Variants in ARHGAP10 observed in about 807,000 individuals in gnomAD.
ARHGAP10 encodes Rho GTPase activating protein 10.
A neutral mutation model predicts 108.6 loss-of-function variants in ARHGAP10; 87 were observed. The ratio of observed to expected loss-of-function variants is 0.80; its 90% confidence interval spans 0.67 to 0.96. ARHGAP10 has a LOEUF of 0.96. Ranked by LOEUF, ARHGAP10 falls within the 40% of genes least tolerant of loss-of-function variation. The probability of loss-of-function intolerance (pLI) is 0.00; values close to 1 mark genes in which losing one functional copy is unlikely to be tolerated. For missense variants in ARHGAP10, 939 were observed against 954.5 expected, an observed-to-expected ratio of 0.98 and a Z score of 0.21; for synonymous variants, 347 against 341.1, an observed-to-expected ratio of 1.02 and a Z score of -0.19.
At chr4:147,897,484 T>TA (rs1391686418) in intron 10 of ARHGAP10, among the ~76,000 whole-genome samples, 2 of 152,170 alleles carry the variant, frequency 1.3e-5, no homozygotes, top group Non-Finnish European at 2.9e-5. Context: ...TTGCTTTTCT[T>TA]AGTTTTTTTT....
intron 18 of ARHGAP10, among the ~76,000 whole-genome samples, chr4:148,019,748 G>C (rs930636554): frequency 5.3e-5 from 8 of 151,256 alleles, no homozygotes; most frequent in Admixed American, 5.3e-4. Flanking sequence ...CTGGGTGACA[G>C]AGTGAGACTC....
intron 1 of ARHGAP10, among the ~76,000 whole-genome samples, chr4:147,776,700 TG>T (rs1290096102): frequency 3.9e-5 from 6 of 152,186 alleles, no homozygotes; most frequent in Admixed American, 3.9e-4. Flanking sequence ...CCATGTGACT[TG>T]AAGCTCTGCT....
intron 22 of ARHGAP10, 81 bp downstream of exon 22, chr4:148,064,588 T>C: frequency 7.7e-7 from 1 of 1,295,100 alleles, no homozygotes; most frequent in Non-Finnish European, 1.1e-6. Context: ...CAGTCAGCGA[T>C]GGTGCTGTTG....
intron 3 of ARHGAP10, among the ~76,000 whole-genome samples, chr4:147,826,997 G>A (rs373113869): frequency 2.0e-5 from 3 of 151,926 alleles, no homozygotes; most frequent in South Asian, 2.1e-4. Context: ...CTCCCCATCC[G>A]CTTTTTTTCT....
chr4:148,056,570 G>A (rs1292278772), intron 20 of ARHGAP10, among the ~76,000 whole-genome samples: 1 of 140,082 alleles, frequency 7.1e-6, no homozygotes, highest in African/African-American at 2.7e-5. Context: ...CCCACCTCCG[G>A]CTCTTAGCAT....
rs112306254 is a variant in ARHGAP10, at chr4:147,790,495, T to C, written c.155-32232T>C. ...TTATTATTCATACTCTCAAATATTC[T>C]AAGATGTAACAAAACATTTGAAAAT... On this transcript the variant is annotated intron_variant, in intron 1 of 22. Coordinates refer to ENST00000336498, the MANE Select transcript of ARHGAP10 (RefSeq NM_024605.4). Among the ~76,000 whole-genome samples, 1,285 of 152,332 alleles carry C rather than the reference T, an allele frequency of 8.4e-3. 20 individuals are homozygous for C. The highest frequency in any genetic ancestry group is 0.036 in the East Asian group (186 of 5,186).
chr4:147,964,015 A>G lies in ARHGAP10; in HGVS notation c.1451-1009A>G, dbSNP rs141740314. Among the ~76,000 whole-genome samples, 372 of 152,360 alleles carry G rather than the reference A, an allele frequency of 2.4e-3. 2 individuals carry two copies. Among genetic ancestry groups the G allele is most frequent in the African/African-American group, 8.4e-3 (350 of 41,584 alleles). On this transcript the variant is annotated intron_variant, in intron 16 of 22. Transcript: ENST00000336498. ...GCTCTCTTCCCAAATAAGATCGTGT[A>G]TTAAGCACGCCTTTTTATTCTGATG...
At chr4:147,868,419 G>A (rs1734657415) in intron 7 of ARHGAP10, among the ~76,000 whole-genome samples, 1 of 151,770 alleles carries the variant, frequency 6.6e-6, no homozygotes, top group African/African-American at 2.4e-5. Flanking sequence ...TTTCTTTTTG[G>A]TAGAGATGGC....
At chr4:147,975,977 T>C (rs1332777949) in intron 18 of ARHGAP10, among the ~76,000 whole-genome samples, 2 of 152,220 alleles carry the variant, frequency 1.3e-5, no homozygotes, top group Non-Finnish European at 2.9e-5. Context: ...ATTGGTGTAA[T>C]TGGATTCCCA....
intron 1 of ARHGAP10, among the ~76,000 whole-genome samples, chr4:147,812,528 G>A (rs760838217): frequency 2.0e-5 from 3 of 151,938 alleles, no homozygotes; most frequent in Non-Finnish European, 4.4e-5. Context: ...GTAGCTCTCC[G>A]TTTCCTTCCA....
intron 19 of ARHGAP10, among the ~76,000 whole-genome samples, chr4:148,043,614 A>AATATATATATATATATATAT (rs57931206): frequency 0.019 from 1,037 of 54,636 alleles, 26 homozygotes; most frequent in Non-Finnish European, 0.026. Flanking sequence ...CCCTCTCTCT[A>AATATATATATATATATATAT]ATATATATAT....
intron 1 of ARHGAP10, among the ~76,000 whole-genome samples, chr4:147,783,449 GCACACATT>G (rs1730650592): frequency 1.6e-5 from 2 of 125,098 alleles, no homozygotes; most frequent in African/African-American, 6.4e-5. Context: ...AATTTATATA[GCACACATT>G]AAATTATGTA....
At chr4:147,791,998 G>C (rs74774738) in intron 1 of ARHGAP10, among the ~76,000 whole-genome samples, 1 of 152,288 alleles carries the variant, frequency 6.6e-6, no homozygotes, top group Admixed American at 6.5e-5. Flanking sequence ...CTCCTGACGC[G>C]TGTATGATGT....
intron 5 of ARHGAP10, chr4:147,862,968 T>G (rs573427167): frequency 6.6e-6 from 1 of 152,238 alleles, no homozygotes; most frequent in Non-Finnish European, 1.5e-5. Context: ...GTAGAAATTC[T>G]CATTTTAGCT....
chr4:147,837,445 T>C (rs1344821733), intron 3 of ARHGAP10, among the ~76,000 whole-genome samples: 1 of 152,178 alleles, frequency 6.6e-6, no homozygotes, highest in Non-Finnish European at 1.5e-5. Context: ...TCTTGTAGTA[T>C]CTTTAAGAGA....
intron 10 of ARHGAP10, among the ~76,000 whole-genome samples, chr4:147,903,018 A>T (rs750589190): frequency 6.6e-6 from 1 of 152,154 alleles, no homozygotes; most frequent in East Asian, 1.9e-4. Flanking sequence ...GTCTACCCCT[A>T]TGATCAAGTC....
intron 13 of ARHGAP10, among the ~76,000 whole-genome samples, chr4:147,914,727 A>C: frequency 6.6e-6 from 1 of 152,212 alleles, no homozygotes; most frequent in Admixed American, 6.5e-5. Context: ...GTATTCCATT[A>C]TATGGATATA....
At chr4:147,793,493 G>T (rs997362433) in intron 1 of ARHGAP10, among the ~76,000 whole-genome samples, 3 of 151,984 alleles carry the variant, frequency 2.0e-5, no homozygotes, top group Non-Finnish European at 2.9e-5. Flanking sequence ...AAAAAGAATG[G>T]GGCCTTGAAA....
chr4:147,879,202 A>G (rs770088841), intron 8 of ARHGAP10, 30 bp from the exon 9 acceptor site: 50 of 1,585,848 alleles, frequency 3.2e-5, no homozygotes, highest in Middle Eastern at 1.7e-4. Flanking sequence ...TTTATGAGGG[A>G]AAATATAAAG....
Sources: allele counts gnomAD v4.1 joint callset (sites outside exome capture counted in the v4.1 genomes callset), GRCh38; gene constraint gnomAD v4.1.1; transcripts MANE v1.5; gene names NCBI Gene and HGNC (gene_info 2026-07-23, HGNC 2026-07-21).